NDUFA13: variants seen among roughly 807,000 people sequenced by gnomAD.
The protein encoded by NDUFA13 is NADH:ubiquinone oxidoreductase subunit A13, also known as NADH dehydrogenase [ubiquinone] 1 alpha subcomplex subunit 13.
Under a neutral mutation model 17.0 loss-of-function variants are expected in NDUFA13, and 16 were observed. The observed-to-expected ratio is 0.94, with a 90% CI of 0.64 to 1.43. The LOEUF (loss-of-function observed/expected upper bound fraction) is 1.43, where lower values mean the gene tolerates loss of function less well. Ranked by LOEUF, NDUFA13 falls within the 40% of genes most tolerant of loss-of-function variation. NDUFA13 has a pLI of 0.00. For synonymous variants in NDUFA13, 87 were observed against 78.4 expected (o/e 1.11, Z -0.58); for missense variants, 228 against 206.7 (o/e 1.10, Z -0.63).
At chr19:19,525,894 C>G in intron 1 of NDUFA13, 1 of 693,360 alleles carries the variant, frequency 1.4e-6, no homozygotes, top group Non-Finnish European at 2.2e-6. Context: ...AACTGCCCTT[C>G]CACTTCAGGG....
At chr19:19,518,857 C>T (rs1166851408) in intron 1 of NDUFA13, among the ~76,000 whole-genome samples, 1 of 146,728 alleles carries the variant, frequency 6.8e-6, no homozygotes, top group African/African-American at 2.5e-5. Context: ...ATTCTCCTGT[C>T]TCAGCCTCCC....
intron 1 of NDUFA13, among the ~76,000 whole-genome samples, chr19:19,519,296 G>C (rs946003017): frequency 5.3e-5 from 8 of 152,122 alleles, no homozygotes; most frequent in African/African-American, 1.7e-4. Flanking sequence ...GCCAGACCAG[G>C]CCACAGAAGG....
chr19:19,527,504 G>A (rs1419910408), intron 3 of NDUFA13, 152 bp downstream of exon 3: 3 of 1,079,570 alleles, frequency 2.8e-6, no homozygotes, highest in African/African-American at 1.6e-5. Context: ...ACTTAGTGGA[G>A]ACCCAAGGGG....
At chr19:19,516,441 C>T (rs2061049219) in intron 1 of NDUFA13, 109 bp downstream of exon 1, 4 of 1,199,334 alleles carry the variant, frequency 3.3e-6, no homozygotes, top group Non-Finnish European at 4.9e-6. Context: ...TGACCGGAGG[C>T]GGAGCCCGGG....
intron 1 of NDUFA13, 141 bp downstream of exon 1, chr19:19,516,473 T>A: frequency 1.1e-6 from 1 of 878,976 alleles, no homozygotes; most frequent in Non-Finnish European, 1.9e-6. Context: ...GCTTCTGTAA[T>A]AACGCTAAGT....
At position 19,526,310 on chromosome 19, in the gene NDUFA13, C is replaced by A. The variant is rs377271070; in HGVS notation, c.173+50C>A. ...TGAAAGTGCCCCCCCGGCGAGTTGT[C>A]GGGGTCCTGTAGCATTCCGCTGTTG... On this transcript the variant is annotated intron_variant, in intron 2 of 4. Transcript: ENST00000507754. 747 of 1,596,556 alleles carry A rather than the reference C, an allele frequency of 4.7e-4. 1 individual carries two copies. Among genetic ancestry groups the A allele is most frequent in the Middle Eastern group, 1.2e-3 (7 of 6,060 alleles).
intron 2 of NDUFA13, 123 bp from the exon 3 acceptor site, chr19:19,527,158 G>GCCAGCCACCCCCCCCCCCCCCCCCC: frequency 1.3e-6 from 1 of 784,784 alleles, no homozygotes; most frequent in Non-Finnish European, 1.9e-6. Flanking sequence ...CCTGCCCCCT[G>GCCAGCCACCCCCCCCCCCCCCCCCC]CCTGCCTCCC....
chr19:19,526,446 A>T (rs879307094), intron 2 of NDUFA13, 186 bp downstream of exon 2: 15 of 665,868 alleles, frequency 2.3e-5, no homozygotes, highest in Non-Finnish European at 3.7e-5. Flanking sequence ...TGTCCTCGAG[A>T]TGTCTCCATG....
rs2061047310 is a variant in NDUFA13, at chr19:19,516,252, A to C, written c.14A>C (p.Lys5Thr). 1 of 1,613,930 alleles carries C rather than the reference A, an allele frequency of 6.2e-7. No homozygotes were observed. Among genetic ancestry groups the C allele is most frequent in the African/African-American group, 1.3e-5 (1 of 74,920 alleles). ...GATACTGCGAGTATGGCGGCGTCAA[A>C]GGTGAAGCAGGACATGCCTCCGCCG... MAAS[K>T]VKQDMPPPGG... Residue 5 changes from lysine to threonine, a missense_variant, in exon 1 of 5, where the codon AAG becomes ACG. Transcript: ENST00000507754.
chr19:19,520,443 A>G (rs2144639175), intron 1 of NDUFA13, among the ~76,000 whole-genome samples: 1 of 152,298 alleles, frequency 6.6e-6, no homozygotes, highest in South Asian at 2.1e-4. Flanking sequence ...CAACCTGGCC[A>G]ACATGGCAAA....
At chr19:19,516,477 G>C in intron 1 of NDUFA13, 145 bp downstream of exon 1, 1 of 859,246 alleles carries the variant, frequency 1.2e-6, no homozygotes, top group Admixed American at 2.0e-5. Flanking sequence ...CTGTAATAAC[G>C]CTAAGTGCTG....
intron 1 of NDUFA13, among the ~76,000 whole-genome samples, chr19:19,519,865 T>C (rs1455133293): frequency 1.3e-5 from 2 of 151,988 alleles, no homozygotes; most frequent in African/African-American, 4.8e-5. Context: ...CAAGGCCTGG[T>C]GGCCCCAAGC....
chr19:19,517,476 T>C (rs950470676), intron 1 of NDUFA13, among the ~76,000 whole-genome samples: 1 of 152,096 alleles, frequency 6.6e-6, no homozygotes, highest in Non-Finnish European at 1.5e-5. Flanking sequence ...CTTCCCAAAG[T>C]GATGGGACTA....
In NDUFA13 at chr19:19,526,188, G is replaced by T; in HGVS notation, c.101G>T (p.Ser34Ile). 1 of 1,613,988 alleles carries T rather than the reference G, an allele frequency of 6.2e-7. No individual in the cohort carries two copies. The highest frequency in any genetic ancestry group is 8.5e-7 in the Non-Finnish European group (1 of 1,179,976). ...GCAGCGCCTCTCTTCACAGGCTACA[G>T]CATGCTGGCCATAGGGATTGGAACC... is the stretch of plus-strand genomic sequence containing the variant. ...NLPRRGLSGYSMLAIGIGTLI... is the reference protein window; with the variant it reads ...NLPRRGLSGYIMLAIGIGTLI... The change falls in exon 2 of 5, where the codon AGC becomes ATC. Residue 34 changes from serine to isoleucine, a missense_variant. Transcript: ENST00000507754.
chr19:19,521,616 G>GT (rs1211615896), intron 1 of NDUFA13, among the ~76,000 whole-genome samples: 1 of 151,568 alleles, frequency 6.6e-6, no homozygotes, highest in Non-Finnish European at 1.5e-5. Context: ...TCGTTTGTTT[G>GT]TTTTGAGATG....
At chr19:19,527,926 G>T (rs1264303707) in intron 4 of NDUFA13, 81 bp from the exon 5 acceptor site, 3 of 1,553,138 alleles carry the variant, frequency 1.9e-6, no homozygotes, top group Non-Finnish European at 2.7e-6. Flanking sequence ...CACGCACAGG[G>T]GCCACTGATC....
intron 1 of NDUFA13, among the ~76,000 whole-genome samples, chr19:19,518,891 T>G (rs947891285): frequency 1.3e-5 from 2 of 151,542 alleles, no homozygotes; most frequent in Non-Finnish European, 2.9e-5. Flanking sequence ...TACAGGCATG[T>G]GCCACCATGC....
chr19:19,524,666 C>A lies in NDUFA13; in HGVS notation c.95-1516C>A, dbSNP rs373523652. 5.3e-4 allele frequency among the ~76,000 whole-genome samples: 81 copies of A among 152,086 alleles called. 2 individuals carry two copies. Among genetic ancestry groups the A allele is most frequent in the African/African-American group, 1.9e-3 (78 of 41,498 alleles). On this transcript the variant is annotated intron_variant, in intron 1 of 4. Coordinates refer to ENST00000507754, the MANE Select transcript of NDUFA13 (RefSeq NM_015965.7). ...ACTAAAAATACAAAAATTAGCCTGG[C>A]GTGGTGGTGGGCGCCTGTAGTCCCA...
chr19:19,526,817 G>A, intron 2 of NDUFA13: 1 of 285,508 alleles, frequency 3.5e-6, no homozygotes, highest in Admixed American at 4.9e-5. Flanking sequence ...ACTGGGAGAT[G>A]GGGGTCATTG....
Sources: allele counts gnomAD v4.1 joint callset (sites outside exome capture counted in the v4.1 genomes callset), GRCh38; gene constraint gnomAD v4.1.1; transcripts MANE v1.5; gene names NCBI Gene and HGNC (gene_info 2026-07-23, HGNC 2026-07-21).